Variants in TANGO6 observed in about 807,000 individuals in gnomAD.
TANGO6 encodes transport and Golgi organization protein 6 homolog.
A neutral mutation model predicts 114.2 loss-of-function variants in TANGO6; 90 were observed. The observed-to-expected ratio is 0.79, with a 90% CI of 0.66 to 0.94. The LOEUF (loss-of-function observed/expected upper bound fraction) is 0.94. Among genes scored for constraint, TANGO6 ranks in the 40% least tolerant of loss-of-function variants. The probability of loss-of-function intolerance (pLI) is 0.00; values close to 1 mark genes in which losing one functional copy is unlikely to be tolerated. For missense variants in TANGO6, 1,274 were observed against 1,315.3 expected (o/e 0.97, Z 0.49); for synonymous variants, 477 against 509.8 (o/e 0.94, Z 0.87).
intron 17 of TANGO6, among the ~76,000 whole-genome samples, chr16:69,057,510 T>C (rs1960051128): frequency 6.6e-6 from 1 of 152,150 alleles, no homozygotes; most frequent in African/African-American, 2.4e-5. Context: ...AAGTAACTTG[T>C]TCAACAACTA....
At position 68,843,580 on chromosome 16, in the gene TANGO6, G is replaced by C. The variant is rs752699385; in HGVS notation, c.-38G>C. 4.8e-5 allele frequency: 77 copies of C among 1,600,330 alleles called. 1 individual carries two copies. In the South Asian group the frequency reaches 7.2e-4, roughly 15 times the overall value. On this transcript the variant is annotated 5_prime_UTR_variant, in exon 1 of 18. Coordinates refer to ENST00000261778, the MANE Select transcript of TANGO6 (RefSeq NM_024562.2). ...GGCGGCGGCGGCGCCCTGCCGAGGC[G>C]CCTGAGCGGGTCGCGAGCGTGGTGT... is the stretch of plus-strand genomic sequence containing the variant.
At chr16:69,028,845 G>A (rs1384099538) in intron 16 of TANGO6, among the ~76,000 whole-genome samples, 3 of 127,390 alleles carry the variant, frequency 2.4e-5, no homozygotes, top group African/African-American at 9.3e-5. Flanking sequence ...ACACCACCAT[G>A]CCCAGTTTAA....
At chr16:69,052,311 C>T (rs542691897) in intron 17 of TANGO6, among the ~76,000 whole-genome samples, 30 of 148,930 alleles carry the variant, frequency 2.0e-4, no homozygotes, top group African/African-American at 7.4e-4. Flanking sequence ...CTCTGTCTCC[C>T]AAGCTGGAGT....
At chr16:68,843,903 G>T (rs1961763532) in intron 1 of TANGO6, among the ~76,000 whole-genome samples, 192 bp downstream of exon 1, 1 of 152,234 alleles carries the variant, frequency 6.6e-6, no homozygotes, top group African/African-American at 2.4e-5. Context: ...CTCAAGGAGG[G>T]CGCGGGATCC....
chr16:68,927,411 A>G (rs1430210032), intron 12 of TANGO6, 157 bp from the exon 13 acceptor site: 3 of 693,304 alleles, frequency 4.3e-6, no homozygotes, highest in Non-Finnish European at 4.8e-6. Flanking sequence ...TTATTCAACA[A>G]ATGGTATTCA....
intron 5 of TANGO6, among the ~76,000 whole-genome samples, chr16:68,877,564 A>T (rs1451870767): frequency 6.6e-6 from 1 of 151,814 alleles, no homozygotes; most frequent in Non-Finnish European, 1.5e-5. Flanking sequence ...TATAAATTTG[A>T]TAAAATTATT....
intron 16 of TANGO6, among the ~76,000 whole-genome samples, chr16:69,033,242 A>G (rs1350260161): frequency 6.6e-6 from 1 of 152,204 alleles, no homozygotes; most frequent in Non-Finnish European, 1.5e-5. Flanking sequence ...CAGTTCTTTC[A>G]GTGTACCATG....
chr16:69,047,595 A>G (rs1959883424), intron 17 of TANGO6, among the ~76,000 whole-genome samples: 2 of 152,186 alleles, frequency 1.3e-5, no homozygotes, highest in South Asian at 4.1e-4. Flanking sequence ...CACTCACAGC[A>G]ACGTTATAAA....
At chr16:68,985,287 C>T (rs1322023650) in intron 15 of TANGO6, among the ~76,000 whole-genome samples, 2 of 151,940 alleles carry the variant, frequency 1.3e-5, no homozygotes, top group Non-Finnish European at 2.9e-5. Context: ...AGGTTGTTTC[C>T]AGTTTATTAC....
intron 3 of TANGO6, among the ~76,000 whole-genome samples, chr16:68,865,753 C>CAAAAAAAAAAAA (rs367608096): frequency 8.7e-6 from 1 of 115,062 alleles, no homozygotes; most frequent in African/African-American, 3.0e-5. Flanking sequence ...ACTAAAAATA[C>CAAAAAAAAAAAA]AAAAAAAAAA....
At chr16:68,898,686 G>C (rs1962741619) in intron 7 of TANGO6, among the ~76,000 whole-genome samples, 1 of 151,936 alleles carries the variant, frequency 6.6e-6, no homozygotes, top group Non-Finnish European at 1.5e-5. Context: ...TTGTGAGATT[G>C]TTATAATTTT....
intron 17 of TANGO6, among the ~76,000 whole-genome samples, chr16:69,061,193 A>C (rs916990713): frequency 1.3e-5 from 2 of 152,048 alleles, no homozygotes; most frequent in South Asian, 4.1e-4. Context: ...CTATCACCAA[A>C]TCAGCTGAGT....
intron 17 of TANGO6, among the ~76,000 whole-genome samples, chr16:69,044,618 A>G (rs1959822367): frequency 6.6e-6 from 1 of 152,164 alleles, no homozygotes; most frequent in African/African-American, 2.4e-5. Context: ...AAGCCACAGA[A>G]GAGAGGCAAT....
rs529789053 is a variant in TANGO6 at position 68,959,091 on chromosome 16, G to A, written c.2702-14937G>A. ...AATTATAGGCAGAGTGTTTATGTGT[G>A]TATTTTCATATTTTAGGAAAGAATT... On this transcript the variant is annotated intron_variant, in intron 14 of 17. Transcript: ENST00000261778. Among the ~76,000 whole-genome samples, 34 of 152,298 alleles carry A rather than the reference G, an allele frequency of 2.2e-4. No individual in the cohort carries two copies. In the South Asian group the frequency reaches 6.6e-3, roughly 30 times the overall value.
intron 16 of TANGO6, among the ~76,000 whole-genome samples, chr16:69,032,851 G>C (rs1175218478): frequency 2.0e-5 from 3 of 148,930 alleles, no homozygotes; most frequent in Non-Finnish European, 4.4e-5. Flanking sequence ...ACTCCAGCCT[G>C]GGCAACAGAA....
chr16:68,973,269 C>CT (rs1047155378), intron 14 of TANGO6: 2 of 394,658 alleles, frequency 5.1e-6, no homozygotes, highest in African/African-American at 2.1e-5. Flanking sequence ...TCCTTCTTTA[C>CT]TTTTTTTCTT....
At chr16:69,080,524 T>A (rs1017991010) in intron 17 of TANGO6, among the ~76,000 whole-genome samples, 3 of 152,136 alleles carry the variant, frequency 2.0e-5, no homozygotes, top group Non-Finnish European at 4.4e-5. Flanking sequence ...TACTTTAGCC[T>A]GGACAACAGA....
chr16:68,918,548 A>G (rs1963042935), intron 11 of TANGO6, among the ~76,000 whole-genome samples: 2 of 152,142 alleles, frequency 1.3e-5, no homozygotes, highest in Non-Finnish European at 2.9e-5. Flanking sequence ...TTGCTTTTTA[A>G]TTTTCAGGCA....
chr16:69,068,950 C>T (rs1960258320), intron 17 of TANGO6, among the ~76,000 whole-genome samples: 1 of 152,176 alleles, frequency 6.6e-6, no homozygotes. Context: ...CTCCTGACCT[C>T]AGGTGATCCA....
Sources: gnomAD v4.1 joint callset for allele counts (sites outside exome capture counted in the v4.1 genomes callset) on GRCh38, gnomAD v4.1.1 for gene constraint, MANE v1.5 for transcripts, NCBI Gene and HGNC (gene_info 2026-07-23, HGNC 2026-07-21) for gene names.